The following MCF2L2 variants were observed in gnomAD, a reference collection of about 807,000 sequenced individuals.
MCF2L2 encodes probable guanine nucleotide exchange factor MCF2L2.
Under a neutral mutation model 150.2 loss-of-function variants are expected in MCF2L2, and 102 were observed. That is an observed-to-expected ratio of 0.68 (90% CI 0.58 to 0.80). MCF2L2 has a LOEUF of 0.80. MCF2L2 is among the 30% of genes least tolerant of loss of function. The probability of loss-of-function intolerance (pLI) is 0.00; values close to 1 mark genes in which losing one functional copy is unlikely to be tolerated. For synonymous variants in MCF2L2, 465 were observed against 491.3 expected (o/e 0.95, Z 0.71); for missense variants, 1,256 against 1,372.8 (o/e 0.91, Z 1.34).
intron 1 of MCF2L2, among the ~76,000 whole-genome samples, chr3:183,395,849 C>T (rs1443410222): frequency 2.9e-5 from 4 of 136,464 alleles, no homozygotes; most frequent in Non-Finnish European, 6.1e-5. Flanking sequence ...ACCTGGGAGG[C>T]GGAGGTTGCA....
chr3:183,286,704 T>C (rs1253821336), intron 14 of MCF2L2, among the ~76,000 whole-genome samples: 2 of 152,248 alleles, frequency 1.3e-5, no homozygotes, highest in Non-Finnish European at 2.9e-5. Context: ...ATCCACTTTC[T>C]TCCTGCTCAT....
chr3:183,240,052 C>G (rs1723940074), intron 15 of MCF2L2, among the ~76,000 whole-genome samples: 1 of 152,226 alleles, frequency 6.6e-6, no homozygotes, highest in South Asian at 2.1e-4. Flanking sequence ...GTCACCCAGG[C>G]TCCTTATATC....
At chr3:183,193,842 T>C (rs1274682616) in intron 26 of MCF2L2, among the ~76,000 whole-genome samples, 1 of 152,156 alleles carries the variant, frequency 6.6e-6, no homozygotes, top group Admixed American at 6.5e-5. Flanking sequence ...GAGCTAAACC[T>C]CATCACCCCC....
At chr3:183,268,780 TGGCTAAGGC>T (rs1403001882) in intron 15 of MCF2L2, among the ~76,000 whole-genome samples, 1 of 152,210 alleles carries the variant, frequency 6.6e-6, no homozygotes, top group African/African-American at 2.4e-5. Flanking sequence ...AAACCGTAAG[TGGCTAAGGC>T]GGCATTGGTG....
chr3:183,265,930 T>A (rs1232002833), intron 15 of MCF2L2: 2 of 152,232 alleles, frequency 1.3e-5, no homozygotes, highest in Non-Finnish European at 2.9e-5. Flanking sequence ...TAGCGTGGGA[T>A]GTTGGCTTTG....
chr3:183,242,979 T>C (rs1724097739), intron 15 of MCF2L2, among the ~76,000 whole-genome samples: 1 of 152,238 alleles, frequency 6.6e-6, no homozygotes, highest in Non-Finnish European at 1.5e-5. Context: ...AAGGTTTGAC[T>C]GCTTTATTGG....
At chr3:183,411,033 G>A (rs917271413) in intron 1 of MCF2L2, among the ~76,000 whole-genome samples, 2 of 152,148 alleles carry the variant, frequency 1.3e-5, no homozygotes, top group Non-Finnish European at 2.9e-5. Flanking sequence ...CCCTAGCTTG[G>A]AGAGCACTCA....
chr3:183,390,832 G>T (rs768863027), intron 1 of MCF2L2, among the ~76,000 whole-genome samples: 3 of 152,174 alleles, frequency 2.0e-5, no homozygotes, highest in Non-Finnish European at 4.4e-5. Flanking sequence ...AGGAGTTTGA[G>T]GCTGTCGTTA....
chr3:183,279,072 C>CA (rs149418197), intron 14 of MCF2L2, among the ~76,000 whole-genome samples: 3,853 of 152,088 alleles, frequency 0.025, 172 homozygotes, highest in African/African-American at 0.086. Context: ...CACAGTATAC[C>CA]ATGTTTTATT....
At chr3:183,223,505 A>T (rs1461335171) in intron 19 of MCF2L2, 67 bp from the exon 20 acceptor site, 2 of 1,227,332 alleles carry the variant, frequency 1.6e-6, no homozygotes, top group African/African-American at 3.0e-5. Context: ...AAGTGGCAGC[A>T]TTTAGGTACA....
chr3:183,266,219 A>T (rs1474930667), intron 15 of MCF2L2: 1 of 152,270 alleles, frequency 6.6e-6, no homozygotes, highest in Non-Finnish European at 1.5e-5. Context: ...ACTTGTGGGC[A>T]CAAAGTCTAG....
At chr3:183,291,342 T>C (rs1728132273) in intron 13 of MCF2L2, among the ~76,000 whole-genome samples, 1 of 152,254 alleles carries the variant, frequency 6.6e-6, no homozygotes, top group South Asian at 2.1e-4. Flanking sequence ...CTCTGTACCT[T>C]ACCTTTTTCA....
At chr3:183,278,557 A>G (rs1223877409) in intron 14 of MCF2L2, among the ~76,000 whole-genome samples, 2 of 152,208 alleles carry the variant, frequency 1.3e-5, no homozygotes, top group Admixed American at 6.5e-5. Context: ...TGACATTACT[A>G]TGCCTGAATT....
chr3:183,323,177 C>T, intron 6 of MCF2L2, 58 bp downstream of exon 6: 3 of 1,260,636 alleles, frequency 2.4e-6, no homozygotes, highest in East Asian at 2.5e-5. Flanking sequence ...AACTCCCCCA[C>T]CCCATCTTCC....
intron 6 of MCF2L2, among the ~76,000 whole-genome samples, chr3:183,321,507 G>GC (rs1560020677): frequency 2.0e-5 from 3 of 151,770 alleles, no homozygotes; most frequent in Admixed American, 1.3e-4. Flanking sequence ...CTGAAATATT[G>GC]CAAGAATTGC....
intron 2 of MCF2L2, among the ~76,000 whole-genome samples, chr3:183,380,023 C>T (rs1713424601): frequency 6.6e-6 from 1 of 151,940 alleles, no homozygotes; most frequent in Non-Finnish European, 1.5e-5. Context: ...TATAAAACTG[C>T]TCAAAAAATG....
chr3:183,423,628 ATTTGTTTT>A (rs1715999532), intron 1 of MCF2L2, among the ~76,000 whole-genome samples: 1 of 100,670 alleles, frequency 9.9e-6, no homozygotes, highest in Admixed American at 1.0e-4. Context: ...TTTAAATTTT[ATTTGTTTT>A]TTTTTTTTTT....
chr3:183,202,650 T>C (rs1362004724), intron 25 of MCF2L2, among the ~76,000 whole-genome samples: 1 of 152,234 alleles, frequency 6.6e-6, no homozygotes, highest in Non-Finnish European at 1.5e-5. Context: ...GTCATGTCAT[T>C]AGTATTTAGA....
intron 3 of MCF2L2, chr3:183,377,660 C>T (rs945035591): frequency 3.9e-5 from 6 of 152,042 alleles, no homozygotes; most frequent in East Asian, 1.9e-4. Context: ...AGGTAAACCT[C>T]GGGGTTCTGT....
Sources: gnomAD v4.1 joint callset for allele counts (sites outside exome capture counted in the v4.1 genomes callset) on GRCh38, gnomAD v4.1.1 for gene constraint, MANE v1.5 for transcripts, NCBI Gene and HGNC (gene_info 2026-07-23, HGNC 2026-07-21) for gene names.